The following SLITRK5 variants were observed in gnomAD, a reference collection of about 807,000 sequenced individuals.
SLITRK5 encodes SLIT and NTRK like family member 5.
Under a neutral mutation model 56.2 loss-of-function variants are expected in SLITRK5, and 23 were observed. The observed-to-expected ratio is 0.41, with a 90% CI of 0.29 to 0.58. The LOEUF (loss-of-function observed/expected upper bound fraction) is 0.58, where lower values mean the gene tolerates loss of function less well. Ranked by LOEUF, SLITRK5 falls within the 20% of genes least tolerant of loss-of-function variation. SLITRK5 has a pLI of 0.30. For missense variants in SLITRK5, 1,289 were observed against 1,226.6 expected, an observed-to-expected ratio of 1.05 and a Z score of -0.76; for synonymous variants, 637 against 531.8, an observed-to-expected ratio of 1.20 and a Z score of -2.72.
At chr13:87,674,956 A>T (rs1258380618) in intron 1 of SLITRK5, among the ~76,000 whole-genome samples, 2 of 86,790 alleles carry the variant, frequency 2.3e-5, no homozygotes, top group African/African-American at 8.9e-5. Context: ...GAAAGAAAGA[A>T]GGGGGGGTGG....
At chr13:87,672,272 T>C (rs918195420) in intron 1 of SLITRK5, among the ~76,000 whole-genome samples, 63 bp downstream of exon 1, 2 of 152,054 alleles carry the variant, frequency 1.3e-5, no homozygotes, top group African/African-American at 4.8e-5. Context: ...GATCGCGCCT[T>C]AACACGTATT....
chr13:87,676,867 C>T lies in SLITRK5; in HGVS notation c.1479C>T (p.Ile493=), dbSNP rs777152769. The T allele has an allele frequency of 6.2e-7, 1 of 1,614,144 alleles. No homozygotes were observed. The highest frequency in any genetic ancestry group is 2.2e-5 in the East Asian group (1 of 44,852). The change falls in exon 2 of 2, where the codon ATC becomes ATT. Residue 493 remains isoleucine (I), a synonymous_variant. Coordinates refer to ENST00000683689, the MANE Select transcript of SLITRK5 (RefSeq NM_001384609.1). ...ATCTCTTCCTCCAGTACAATCTCAT[C>T]CGCGAGATTCAGTCTGGAACTTTTG... ...LQYLFLQYNL[I]REIQSGTFDP...
intron 1 of SLITRK5, chr13:87,674,414 G>C: frequency 2.0e-6 from 2 of 985,262 alleles, no homozygotes; most frequent in South Asian, 9.4e-5. Context: ...AGGTAAGGGA[G>C]GCTTTCGTGC....
Position 87,671,631 on chromosome 13 carries a change from C to G in SLITRK5, c.-587C>G, listed in dbSNP as rs1049873772. Reference sequence around the variant, plus strand: ...AACGACGCGGTTGCTGCCCGCCCCCCCCTTCCCCCAGAAACCCCAAAGGAT... The same window carrying G: ...AACGACGCGGTTGCTGCCCGCCCCCGCCTTCCCCCAGAAACCCCAAAGGAT... On this transcript the variant is annotated 5_prime_UTR_variant, in exon 1 of 2. Transcript: ENST00000683689. Among the ~76,000 whole-genome samples the G allele has an allele frequency of 9.2e-5, 14 of 152,086 alleles. No homozygotes were observed. The highest frequency in any genetic ancestry group is 9.7e-5 in the African/African-American group (4 of 41,426).
rs751214588 is a variant in SLITRK5 at position 87,677,778 on chromosome 13, AGCC to A, written c.2400_2402del (p.Pro802del). On this transcript the variant is annotated inframe_deletion, in exon 2 of 2. Coordinates refer to ENST00000683689, the MANE Select transcript of SLITRK5 (RefSeq NM_001384609.1). The surrounding 1 kb of genome is among the most constrained non-coding windows in gnomAD (Gnocchi z 4.7). ...AACCACCACCTGCAGCAGCAGCAGC[AGCC>A]GCCGCCGCCACCGCAGCAGCCACAG... 4 of 1,606,664 alleles carry A rather than the reference AGCC, an allele frequency of 2.5e-6. No individual in the cohort carries two copies. Among genetic ancestry groups the A allele is most frequent in the East Asian group, 4.5e-5 (2 of 44,720 alleles).
chr13:87,674,332 G>A (rs1877178174), intron 1 of SLITRK5: 1 of 930,908 alleles, frequency 1.1e-6, no homozygotes, highest in Non-Finnish European at 1.3e-6. Flanking sequence ...CAACTCCAAA[G>A]ATGGGGATGC....
rs771423229 is a variant in SLITRK5, at chr13:87,678,217, G to C, written c.2829G>C (p.Pro943=). The part of the protein sequence containing the change: ...LELKAKLNVE[P]DYLEVLEKQT... Reference sequence around the variant, plus strand: ...TAAAAGCAAAACTAAACGTTGAGCCGGACTACCTCGAAGTGCTGGAAAAAC... The same window carrying C: ...TAAAAGCAAAACTAAACGTTGAGCCCGACTACCTCGAAGTGCTGGAAAAAC... Residue 943 remains proline (P), a synonymous_variant, in exon 2 of 2, where the codon CCG becomes CCC. Coordinates refer to ENST00000683689, the MANE Select transcript of SLITRK5 (RefSeq NM_001384609.1). 1.9e-6 allele frequency: 3 copies of C among 1,613,878 alleles called. No homozygotes were observed. Among genetic ancestry groups the C allele is most frequent in the Non-Finnish European group, 2.5e-6 (3 of 1,179,970 alleles).
In SLITRK5 at chr13:87,675,651, T is replaced by G; in HGVS notation, c.263T>G (p.Leu88Trp). 6.2e-7 allele frequency: 1 copy of G among 1,614,202 alleles called. No homozygotes were observed. Among genetic ancestry groups the G allele is most frequent in the Non-Finnish European group, 8.5e-7 (1 of 1,180,046 alleles). The change falls in exon 2 of 2, where the codon TTG (leucine) becomes TGG (tryptophan). Residue 88 changes from leucine to tryptophan, a missense_variant. By Grantham distance (61) the Leu-to-Trp change is moderately conservative. Around this residue, in one of 3 missense-constraint regions of SLITRK5, gnomAD observed 291 missense variants for 286.7 expected, o/e 1.02. Transcript: ENST00000683689. ...PPRFPIYHLL[L>W]SGNLLNRLYP... The stretch of plus-strand genomic sequence containing the variant: ...CGTTTCCCAATCTACCACCTCTTGT[T>G]GTCCGGAAACCTTTTGAACCGTCTC...
At position 87,672,149 on chromosome 13, in the gene SLITRK5, C is replaced by A. The variant is rs1185921333; in HGVS notation, c.-69C>A. Among the ~76,000 whole-genome samples the A allele has an allele frequency of 1.3e-5, 2 of 152,000 alleles. No individual in the cohort carries two copies. Among genetic ancestry groups the A allele is most frequent in the South Asian group, 4.1e-4 (2 of 4,828 alleles). On this transcript the variant is annotated 5_prime_UTR_variant, in exon 1 of 2. The change creates a new upstream start codon in the 5' untranslated region. Transcript: ENST00000683689. ...GGAGGGTGCGAGGAGCCAGAGGAGG[C>A]TGGAGGGGGCGGCGGCCACAGCTGG...
At chr13:87,674,445 C>G in intron 1 of SLITRK5, 1 of 981,244 alleles carries the variant, frequency 1.0e-6, no homozygotes, top group Non-Finnish European at 1.2e-6. Context: ...TGTACTGATT[C>G]CCGGTAAGCG....
chr13:87,678,117 G>C lies in SLITRK5; in HGVS notation c.2729G>C (p.Arg910Thr). ...QYLHPGAGDS[R>T]LREPVLYSPP... is the part of the protein sequence containing the mutation. Reference sequence around the variant, plus strand: ...TTGCACCCGGGGGCAGGGGACAGCAGGCTACGGGAACCGGTGCTCTACAGC... The same window carrying C: ...TTGCACCCGGGGGCAGGGGACAGCACGCTACGGGAACCGGTGCTCTACAGC... The change falls in exon 2 of 2, where the codon AGG (arginine) becomes ACG (threonine). Residue 910 changes from arginine (R) to threonine (T), a missense_variant. Physicochemically the swap from Arg to Thr is moderately conservative, Grantham distance 71. This residue lies in a region of SLITRK5 where 985 missense variants were observed against 906.0 expected (regional missense o/e 1.09). Coordinates refer to ENST00000683689, the MANE Select transcript of SLITRK5 (RefSeq NM_001384609.1). 2 of 1,614,238 alleles carry C rather than the reference G, an allele frequency of 1.2e-6. No homozygotes were observed. Among genetic ancestry groups the C allele is most frequent in the Non-Finnish European group, 1.7e-6 (2 of 1,180,048 alleles).
At chr13:87,675,259 C>T (rs1345140940) in intron 1 of SLITRK5, 122 bp from the exon 2 acceptor site, 2 of 647,804 alleles carry the variant, frequency 3.1e-6, no homozygotes, top group East Asian at 2.7e-5. Context: ...GGAGGTGTGT[C>T]ATTTGTATCT....
At position 87,678,412 on chromosome 13, in the gene SLITRK5, G is replaced by T. The variant is rs1048460867; in HGVS notation, c.*147G>T. 2.4e-5 allele frequency: 18 copies of T among 743,310 alleles called. No individual in the cohort carries two copies. The highest frequency in any genetic ancestry group is 2.3e-4 in the African/African-American group (13 of 56,118). 46.0% of individuals were successfully genotyped at this position (743,310 alleles called of 1,614,324 possible). On this transcript the variant is annotated 3_prime_UTR_variant, in exon 2 of 2. Coordinates refer to ENST00000683689, the MANE Select transcript of SLITRK5 (RefSeq NM_001384609.1). ...ATTTCTCAGCTTCGGTGGAAGATAC[G>T]AAAAGGGTGTGCAATTTCCTTTAAA...
rs945794822 is a variant in SLITRK5, at chr13:87,671,879, G to A, written c.-339G>A. 1.2e-4 allele frequency among the ~76,000 whole-genome samples: 18 copies of A among 152,178 alleles called. No homozygotes were observed. Among genetic ancestry groups the A allele is most frequent in the Non-Finnish European group, 2.4e-4 (16 of 68,004 alleles). ...GCTGCGCTGGGGGGCGGAGGACAGC[G>A]CAGGAGCTGCAGCCGCCGCCTTCGC... On this transcript the variant is annotated 5_prime_UTR_variant, in exon 1 of 2. Coordinates refer to ENST00000683689, the MANE Select transcript of SLITRK5 (RefSeq NM_001384609.1).
chr13:87,678,381 C>G lies in SLITRK5; in HGVS notation c.*116C>G, dbSNP rs1877394105. ...CAACGTTTAGGGTGAAGTGCCTTGG[C>G]ACGGGATTTCTCAGCTTCGGTGGAA... On this transcript the variant is annotated 3_prime_UTR_variant, in exon 2 of 2. Transcript: ENST00000683689. 1 of 1,016,358 alleles carries G rather than the reference C, an allele frequency of 9.8e-7. No individual in the cohort carries two copies. The highest frequency in any genetic ancestry group is 1.5e-6 in the Non-Finnish European group (1 of 687,374). The allele number at this position is 1,016,358 out of a possible 1,614,324, so 63.0% of individuals were successfully genotyped here.
intron 1 of SLITRK5, among the ~76,000 whole-genome samples, chr13:87,674,105 G>C (rs902330227): frequency 3.3e-5 from 5 of 151,790 alleles, no homozygotes; most frequent in African/African-American, 4.8e-5. Context: ...GAAGTGGAAG[G>C]AAGCCTTCAA....
chr13:87,677,932 G>T lies in SLITRK5; in HGVS notation c.2544G>T (p.Val848=). ...IEPREDLLSP[V]QDADRFYRGI... ...CCCGGGAGGACCTGCTGTCGCCGGT[G>T]CAGGACGCCGACCGCTTTTACAGGG... Residue 848 remains valine, a synonymous_variant, in exon 2 of 2, where the codon GTG becomes GTT. Coordinates refer to ENST00000683689, the MANE Select transcript of SLITRK5 (RefSeq NM_001384609.1). The surrounding 1 kb of genome is among the most constrained non-coding windows in gnomAD (Gnocchi z 4.7). 2 of 1,613,796 alleles carry T rather than the reference G, an allele frequency of 1.2e-6. No homozygotes were observed. Among genetic ancestry groups the T allele is most frequent in the Admixed American group, 3.3e-5 (2 of 60,008 alleles).
chr13:87,673,540 G>A (rs756347759), intron 1 of SLITRK5: 1 of 1,283,160 alleles, frequency 7.8e-7, no homozygotes, highest in Non-Finnish European at 1.0e-6. Context: ...GAATGGATGT[G>A]CGGATTTGAT....
At position 87,677,153 on chromosome 13, in the gene SLITRK5, G is replaced by A. The variant is rs776493634; in HGVS notation, c.1765G>A (p.Glu589Lys). The stretch of plus-strand genomic sequence containing the variant: ...GCTCAAAGTGGGCGTCCTAGTGGAC[G>A]AGGTGATCTGTAAGGCGCCCAAAAA... Reference protein sequence around the residue: ...EQLKVGVLVDEVICKAPKKFA... With the variant: ...EQLKVGVLVDKVICKAPKKFA... Residue 589 changes from glutamate to lysine, a missense_variant, in exon 2 of 2, where the codon GAG becomes AAG. Physicochemically the swap from Glu to Lys is moderately conservative, Grantham distance 56 (BLOSUM62 1). Coordinates refer to ENST00000683689, the MANE Select transcript of SLITRK5 (RefSeq NM_001384609.1). The surrounding 1 kb of genome is among the most constrained non-coding windows in gnomAD (Gnocchi z 4.7). The A allele has an allele frequency of 1.2e-6, 2 of 1,614,184 alleles. No homozygotes were observed. Among genetic ancestry groups the A allele is most frequent in the South Asian group, 1.1e-5 (1 of 91,088 alleles).
Sources: gnomAD v4.1 joint callset for allele counts (sites outside exome capture counted in the v4.1 genomes callset) on GRCh38, gnomAD v4.1.1 for gene constraint, gnomAD v4.1.1 regional missense constraint, Gnocchi (gnomAD v3.1) non-coding constraint, MANE v1.5 for transcripts, NCBI Gene and HGNC (gene_info 2026-07-23, HGNC 2026-07-21) for gene names.